Variants in SPOCK1 observed in about 807,000 individuals in gnomAD.
The protein encoded by SPOCK1 is testican-1.
Under a neutral mutation model 55.3 loss-of-function variants are expected in SPOCK1, and 23 were observed. That is an observed-to-expected ratio of 0.42 (90% CI 0.30 to 0.59). SPOCK1 has a LOEUF of 0.59. Among genes scored for constraint, SPOCK1 ranks in the 20% least tolerant of loss-of-function variants. The probability of loss-of-function intolerance (pLI) is 0.22; values close to 1 mark genes in which losing one functional copy is unlikely to be tolerated. For synonymous variants in SPOCK1, 226 were observed against 221.0 expected (o/e 1.02, Z -0.20); for missense variants, 499 against 552.5 (o/e 0.90, Z 0.97).
intron 7 of SPOCK1, among the ~76,000 whole-genome samples, chr5:136,990,352 T>A (rs1286355031): frequency 2.0e-5 from 3 of 151,508 alleles, no homozygotes; most frequent in Non-Finnish European, 4.4e-5. Flanking sequence ...AATCAAACTA[T>A]AGGCTCCCTG....
At chr5:137,156,682 T>C (rs888339505) in intron 3 of SPOCK1, among the ~76,000 whole-genome samples, 4 of 152,136 alleles carry the variant, frequency 2.6e-5, no homozygotes, top group Non-Finnish European at 4.4e-5. Context: ...GCCTGGTATA[T>C]ATGACCTCAA....
chr5:137,013,094 A>G (rs1187358267), intron 6 of SPOCK1, among the ~76,000 whole-genome samples: 1 of 152,210 alleles, frequency 6.6e-6, no homozygotes, highest in East Asian at 1.9e-4. Flanking sequence ...GGGAAGGTAT[A>G]TAATAAAAGG....
intron 2 of SPOCK1, among the ~76,000 whole-genome samples, chr5:137,290,754 G>A (rs764484040): frequency 5.3e-5 from 8 of 152,186 alleles, no homozygotes; most frequent in Non-Finnish European, 1.2e-4. Context: ...TCATATGGCA[G>A]AACGGACAGG....
intron 6 of SPOCK1, among the ~76,000 whole-genome samples, chr5:137,020,707 T>C (rs1307933272): frequency 6.6e-6 from 1 of 151,890 alleles, no homozygotes; most frequent in Non-Finnish European, 1.5e-5. Context: ...AATAATTCTA[T>C]AAATAAATTT....
chr5:137,079,605 C>A (rs188800051), intron 5 of SPOCK1, among the ~76,000 whole-genome samples: 2 of 150,200 alleles, frequency 1.3e-5, no homozygotes, highest in Non-Finnish European at 1.5e-5. Flanking sequence ...AAGCCCTGAT[C>A]AAAACTCAAG....
chr5:137,148,661 A>G (rs1754251953), intron 3 of SPOCK1, among the ~76,000 whole-genome samples: 1 of 152,272 alleles, frequency 6.6e-6, no homozygotes, highest in Non-Finnish European at 1.5e-5. Flanking sequence ...GGAGACAATG[A>G]CAACGACCAA....
intron 6 of SPOCK1, among the ~76,000 whole-genome samples, chr5:137,037,833 T>C (rs1751913414): frequency 6.6e-6 from 1 of 152,188 alleles, no homozygotes; most frequent in Non-Finnish European, 1.5e-5. Flanking sequence ...CAGGGAGAGG[T>C]GACCCAGGGG....
intron 5 of SPOCK1, among the ~76,000 whole-genome samples, chr5:137,087,782 G>A (rs554210259): frequency 2.6e-4 from 39 of 152,348 alleles, no homozygotes; most frequent in African/African-American, 8.9e-4. Context: ...CAAGCCCCAC[G>A]AGAGGGAGAA....
intron 6 of SPOCK1, among the ~76,000 whole-genome samples, chr5:137,031,566 C>T (rs1751780745): frequency 6.6e-6 from 1 of 152,176 alleles, no homozygotes; most frequent in South Asian, 2.1e-4. Context: ...GCACATTCTT[C>T]CTTGTAAATT....
chr5:137,117,232 G>A (rs892644003), intron 4 of SPOCK1, among the ~76,000 whole-genome samples: 1 of 152,120 alleles, frequency 6.6e-6, no homozygotes, highest in Non-Finnish European at 1.5e-5. Context: ...TCTCTTCCAC[G>A]TGTCATGCAA....
intron 6 of SPOCK1, among the ~76,000 whole-genome samples, chr5:136,993,717 C>T (rs994345305): frequency 2.0e-5 from 3 of 152,138 alleles, no homozygotes; most frequent in African/African-American, 7.2e-5. Context: ...GCTGAAGAGA[C>T]ACAGATTAGG....
At chr5:137,043,830 G>A (rs1405980950) in intron 6 of SPOCK1, among the ~76,000 whole-genome samples, 1 of 152,192 alleles carries the variant, frequency 6.6e-6, no homozygotes. Context: ...TATCCTGGAT[G>A]AGATCCTGGA....
chr5:137,231,103 G>T (rs1756050968), intron 3 of SPOCK1, among the ~76,000 whole-genome samples: 1 of 151,774 alleles, frequency 6.6e-6, no homozygotes, highest in African/African-American at 2.4e-5. Flanking sequence ...GAGTATAATG[G>T]CATGATCTTG....
At chr5:137,463,610 T>C (rs1013705465) in intron 2 of SPOCK1, among the ~76,000 whole-genome samples, 3 of 152,012 alleles carry the variant, frequency 2.0e-5, no homozygotes, top group Non-Finnish European at 2.9e-5. Flanking sequence ...TTTGATAGTA[T>C]AGCAGGGGGA....
chr5:137,400,966 C>T (rs1024493950), intron 2 of SPOCK1, among the ~76,000 whole-genome samples: 5 of 152,148 alleles, frequency 3.3e-5, no homozygotes, highest in Non-Finnish European at 5.9e-5. Flanking sequence ...ACCCCTCTCC[C>T]GCCCACCCCT....
At chr5:137,249,410 T>C (rs1675263042) in intron 3 of SPOCK1, among the ~76,000 whole-genome samples, 1 of 152,210 alleles carries the variant, frequency 6.6e-6, no homozygotes, top group Admixed American at 6.5e-5. Flanking sequence ...CACAGAATAC[T>C]ATGCTATAAA....
intron 3 of SPOCK1, among the ~76,000 whole-genome samples, chr5:137,198,729 GTGT>G (rs1475406009): frequency 6.6e-6 from 1 of 152,020 alleles, no homozygotes; most frequent in Non-Finnish European, 1.5e-5. Flanking sequence ...TTTGATTGGC[GTGT>G]TGTTTGATTT....
intron 6 of SPOCK1, among the ~76,000 whole-genome samples, chr5:137,022,738 A>T (rs2126980872): frequency 6.6e-6 from 1 of 152,294 alleles, no homozygotes; most frequent in South Asian, 2.1e-4. Context: ...TGAAAGTCAG[A>T]TCATATACAG....
At chr5:137,013,072 A>G (rs1265150549) in intron 6 of SPOCK1, among the ~76,000 whole-genome samples, 1 of 152,170 alleles carries the variant, frequency 6.6e-6, no homozygotes, top group East Asian at 1.9e-4. Context: ...AGAGACACAG[A>G]GAGAGAGACA....
Sources: allele counts gnomAD v4.1 joint callset (sites outside exome capture counted in the v4.1 genomes callset), GRCh38; gene constraint gnomAD v4.1.1; transcripts MANE v1.5; gene names NCBI Gene and HGNC (gene_info 2026-07-23, HGNC 2026-07-21).